NDST3: variants seen among roughly 807,000 people sequenced by gnomAD.
NDST3 encodes N-deacetylase and N-sulfotransferase 3, also known as bifunctional heparan sulfate N-deacetylase/N-sulfotransferase 3.
In NDST3, 58 loss-of-function variants were observed where a neutral mutation model predicts 96.1. The observed-to-expected ratio is 0.60, with a 90% CI of 0.49 to 0.75. The LOEUF (loss-of-function observed/expected upper bound fraction) is 0.75. Among genes scored for constraint, NDST3 ranks in the 30% least tolerant of loss-of-function variants. The pLI is 0.00. For missense variants in NDST3, 788 were observed against 1,034.2 expected (o/e 0.76, Z 3.27); for synonymous variants, 333 against 359.7 (o/e 0.93, Z 0.84).
intron 1 of NDST3, among the ~76,000 whole-genome samples, chr4:118,051,492 A>G (rs117529485): frequency 1.3e-5 from 2 of 152,138 alleles, no homozygotes; most frequent in East Asian, 3.9e-4. Flanking sequence ...GGGAGAAAAT[A>G]TTCACAAAGT....
chr4:118,236,424 A>G (rs1474286061), intron 9 of NDST3, among the ~76,000 whole-genome samples: 3 of 152,188 alleles, frequency 2.0e-5, no homozygotes, highest in Non-Finnish European at 4.4e-5. Flanking sequence ...TTAGAGTTTT[A>G]TATTTGGAAT....
At chr4:118,047,335 A>G (rs1724828986) in intron 1 of NDST3, among the ~76,000 whole-genome samples, 1 of 152,200 alleles carries the variant, frequency 6.6e-6, no homozygotes, top group African/African-American at 2.4e-5. Context: ...ACCTCTGGCA[A>G]TTTAAAAAGT....
chr4:118,245,856 CTG>C (rs1741281466), intron 12 of NDST3, among the ~76,000 whole-genome samples: 3 of 152,050 alleles, frequency 2.0e-5, no homozygotes, highest in Admixed American at 2.0e-4. Flanking sequence ...TTAAAAAAAA[CTG>C]GGGCACAGGA....
intron 10 of NDST3, among the ~76,000 whole-genome samples, chr4:118,238,919 T>A (rs1740851229): frequency 6.6e-6 from 1 of 152,184 alleles, no homozygotes; most frequent in South Asian, 2.1e-4. Flanking sequence ...AAAATTAAAA[T>A]GAAGAAGTGT....
chr4:118,058,656 T>G (rs1325628875), intron 2 of NDST3, among the ~76,000 whole-genome samples: 2 of 148,650 alleles, frequency 1.3e-5, no homozygotes, highest in African/African-American at 2.5e-5. Context: ...CACGCATGCA[T>G]GCAAACGTGT....
At chr4:118,111,638 G>A (rs1253936999) in intron 3 of NDST3, among the ~76,000 whole-genome samples, 1 of 150,818 alleles carries the variant, frequency 6.6e-6, no homozygotes, top group African/African-American at 2.4e-5. Context: ...CCGGGTTAAC[G>A]CCATTCTCCT....
intron 1 of NDST3, among the ~76,000 whole-genome samples, chr4:118,040,879 A>G (rs1433505865): frequency 1.4e-5 from 2 of 143,064 alleles, no homozygotes; most frequent in East Asian, 4.1e-4. Flanking sequence ...ATATATATAT[A>G]TATTTATATA....
chr4:118,239,806 A>C (rs1382785877), intron 10 of NDST3, among the ~76,000 whole-genome samples: 8 of 152,156 alleles, frequency 5.3e-5, no homozygotes, highest in Non-Finnish European at 1.0e-4. Context: ...AACATCCACA[A>C]ACTCACCACT....
intron 6 of NDST3, among the ~76,000 whole-genome samples, chr4:118,146,653 A>T (rs1402732500): frequency 2.0e-5 from 3 of 152,248 alleles, no homozygotes; most frequent in South Asian, 4.1e-4. Context: ...AAGTGAATTT[A>T]ACAAAATAGA....
intron 6 of NDST3, among the ~76,000 whole-genome samples, chr4:118,221,929 C>A (rs796306080): frequency 4.6e-5 from 7 of 151,536 alleles, no homozygotes; most frequent in African/African-American, 1.5e-4. Flanking sequence ...TCTATTGACA[C>A]TTTCCATCTC....
chr4:118,152,534 C>T (rs887749157), intron 6 of NDST3, among the ~76,000 whole-genome samples: 1 of 152,028 alleles, frequency 6.6e-6, no homozygotes, highest in Non-Finnish European at 1.5e-5. Flanking sequence ...GTAACCAAAA[C>T]CCTGGAAAAG....
At chr4:118,163,482 T>G (rs913955886) in intron 6 of NDST3, among the ~76,000 whole-genome samples, 4 of 151,988 alleles carry the variant, frequency 2.6e-5, no homozygotes, top group African/African-American at 9.7e-5. Context: ...ATCATCATTC[T>G]CAGTAAACTA....
chr4:118,062,517 C>T (rs1488421162), intron 2 of NDST3, among the ~76,000 whole-genome samples: 4 of 151,964 alleles, frequency 2.6e-5, no homozygotes, highest in Non-Finnish European at 4.4e-5. Flanking sequence ...TTTGATATAA[C>T]GTGATCATAT....
intron 1 of NDST3, among the ~76,000 whole-genome samples, chr4:118,036,003 T>A (rs1724129269): frequency 6.6e-6 from 1 of 152,224 alleles, no homozygotes; most frequent in South Asian, 2.1e-4. Flanking sequence ...TTTCTGAACA[T>A]TGAGGCAAAT....
chr4:118,201,734 T>C (rs1237801190), intron 6 of NDST3, among the ~76,000 whole-genome samples: 1 of 152,142 alleles, frequency 6.6e-6, no homozygotes, highest in African/African-American at 2.4e-5. Context: ...ATTCTGCAGG[T>C]TGTCTGTTTG....
intron 12 of NDST3, among the ~76,000 whole-genome samples, chr4:118,242,964 T>C (rs1367516877): frequency 2.0e-5 from 3 of 152,184 alleles, no homozygotes; most frequent in Non-Finnish European, 4.4e-5. Context: ...TCTATCTTAC[T>C]GCGTCCATTT....
At chr4:118,169,709 G>C (rs562725064) in intron 6 of NDST3, among the ~76,000 whole-genome samples, 2 of 151,650 alleles carry the variant, frequency 1.3e-5, no homozygotes, top group African/African-American at 4.8e-5. Context: ...CACAAGAATC[G>C]CTTGAACCCA....
At chr4:118,252,073 CTAGAAG>C (rs1296085063) in intron 12 of NDST3, among the ~76,000 whole-genome samples, 2 of 151,920 alleles carry the variant, frequency 1.3e-5, no homozygotes, top group East Asian at 3.9e-4. Flanking sequence ...AGTAGCATTC[CTAGAAG>C]TAGAACAGAT....
At chr4:118,212,314 G>C (rs1191383455) in intron 6 of NDST3, among the ~76,000 whole-genome samples, 1 of 152,170 alleles carries the variant, frequency 6.6e-6, no homozygotes, top group African/African-American at 2.4e-5. Context: ...GGTGGGCAGA[G>C]AGCTTGAGCA....
Sources: allele counts gnomAD v4.1 joint callset (sites outside exome capture counted in the v4.1 genomes callset), GRCh38; gene constraint gnomAD v4.1.1; transcripts MANE v1.5; gene names NCBI Gene and HGNC (gene_info 2026-07-23, HGNC 2026-07-21).